The following C13orf46 variants were observed in gnomAD, a reference collection of about 807,000 sequenced individuals.
C13orf46 encodes uncharacterized protein C13orf46.
At chr13:113,951,406 G>A (rs937175145), downstream of C13orf46, among the ~76,000 whole-genome samples, 15 of 152,174 alleles carry the variant, frequency 9.9e-5, no homozygotes, top group African/African-American at 3.4e-4. Context: ...TCCCTTCGTG[G>A]ACTGCGTGTG....
chr13:113,930,373 C>T, the C13orf46 span, among the ~76,000 whole-genome samples: 1 of 98,450 alleles, frequency 1.0e-5, no homozygotes, highest in African/African-American at 4.9e-5. Context: ...CGCAGGAGCA[C>T]CGAGGCGGGG....
chr13:113,935,698 G>A, the C13orf46 span, among the ~76,000 whole-genome samples: 1 of 152,302 alleles, frequency 6.6e-6, no homozygotes, highest in South Asian at 2.1e-4. Flanking sequence ...AACTGCATAC[G>A]TGCCCTTAGG....
At chr13:113,945,624 G>A in the C13orf46 span, among the ~76,000 whole-genome samples, 1 of 126,244 alleles carries the variant, frequency 7.9e-6, no homozygotes, top group Non-Finnish European at 1.7e-5. Flanking sequence ...AAGAAAGAAA[G>A]AAAGAAAGAA....
the C13orf46 span, among the ~76,000 whole-genome samples, chr13:113,937,337 G>A: frequency 4.8e-4 from 73 of 152,326 alleles, no homozygotes; most frequent in African/African-American, 1.6e-3. Flanking sequence ...TCGTGGCCAC[G>A]TATGGCTCCT....
intron 1 of C13orf46, among the ~76,000 whole-genome samples, chr13:113,971,391 C>T (rs373201397): frequency 1.3e-5 from 2 of 152,204 alleles, no homozygotes; most frequent in East Asian, 1.9e-4. Context: ...GACCAATGGC[C>T]GACCACGAGG....
At chr13:113,965,872 GTGATGATGGTGGTAA>G (rs2052636552) in intron 5 of C13orf46, among the ~76,000 whole-genome samples, 2 of 146,910 alleles carry the variant, frequency 1.4e-5, no homozygotes, top group South Asian at 2.4e-4. Context: ...GATGGTGATG[GTGATGATGGTGGTAA>G]TGGTGATGGT....
downstream of C13orf46, among the ~76,000 whole-genome samples, chr13:113,952,042 C>T (rs1217809095): frequency 1.3e-5 from 2 of 152,346 alleles, no homozygotes; most frequent in Admixed American, 6.5e-5. Flanking sequence ...AAAGAACACA[C>T]GATTGTTCCG....
intron 5 of C13orf46, among the ~76,000 whole-genome samples, chr13:113,965,711 T>C (rs2138987334): frequency 6.6e-6 from 1 of 151,532 alleles, no homozygotes; most frequent in East Asian, 1.9e-4. Flanking sequence ...GTGATGGTGA[T>C]TATAATGGTG....
At chr13:113,934,817 G>A in the C13orf46 span, among the ~76,000 whole-genome samples, 2 of 152,224 alleles carry the variant, frequency 1.3e-5, no homozygotes, top group African/African-American at 2.4e-5. Flanking sequence ...CACCTCTAAC[G>A]GGCCCCACTT....
At chr13:113,961,685 C>A (rs2052587972) in intron 6 of C13orf46, among the ~76,000 whole-genome samples, 2 of 152,126 alleles carry the variant, frequency 1.3e-5, no homozygotes, top group Non-Finnish European at 2.9e-5. Flanking sequence ...ACATAATATA[C>A]AAAAGTGGTT....
chr13:113,946,122 C>T, the C13orf46 span, among the ~76,000 whole-genome samples: 17 of 152,278 alleles, frequency 1.1e-4, no homozygotes, highest in African/African-American at 3.9e-4. Context: ...TGCTATTGTA[C>T]GAGGTATCAG....
rs1051525451 is a variant in C13orf46 at position 113,960,234 on chromosome 13, C to T, written c.573-3395G>A. ...TCGTGCCACTGCACTACAGCCTGGG[C>T]GACAGAGCGAGACTCTGTCTCAAAA... On this transcript the variant is annotated intron_variant, in intron 6 of 6. Coordinates refer to ENST00000636427, the MANE Select transcript of C13orf46 (RefSeq NM_001365455.2). Among the ~76,000 whole-genome samples, 279 of 148,796 alleles carry T rather than the reference C, an allele frequency of 1.9e-3. 2 individuals carry two copies. Among genetic ancestry groups the T allele is most frequent in the African/African-American group, 6.0e-3 (244 of 40,492 alleles).
chr13:113,953,181 G>C (rs915112915), downstream of C13orf46, among the ~76,000 whole-genome samples: 1 of 152,216 alleles, frequency 6.6e-6, no homozygotes, highest in Non-Finnish European at 1.5e-5. Context: ...TGAGTGCCCT[G>C]AACAGCTCGC....
chr13:113,948,889 G>A (rs897720448), downstream of C13orf46, among the ~76,000 whole-genome samples: 37 of 152,286 alleles, frequency 2.4e-4, no homozygotes, highest in East Asian at 6.9e-3. Flanking sequence ...TTCCTGATAG[G>A]GGTGTCTGAT....
At chr13:113,938,123 A>G in the C13orf46 span, among the ~76,000 whole-genome samples, 1 of 152,200 alleles carries the variant, frequency 6.6e-6, no homozygotes, top group Non-Finnish European at 1.5e-5. Flanking sequence ...CAAGATGAAC[A>G]TGCAGCTCAA....
chr13:113,929,777 G>A, the C13orf46 span, among the ~76,000 whole-genome samples: 2 of 152,242 alleles, frequency 1.3e-5, no homozygotes, highest in African/African-American at 4.8e-5. Context: ...TTTCTCCTGA[G>A]GCCCCTGGAG....
At chr13:113,951,980 G>A (rs1405924621), downstream of C13orf46, among the ~76,000 whole-genome samples, 1 of 152,238 alleles carries the variant, frequency 6.6e-6, no homozygotes, top group African/African-American at 2.4e-5. Context: ...CACAGGGATT[G>A]AATACATGGT....
chr13:113,961,191 C>G (rs1445749299), intron 6 of C13orf46, among the ~76,000 whole-genome samples: 2 of 152,162 alleles, frequency 1.3e-5, no homozygotes, highest in Non-Finnish European at 2.9e-5. Context: ...TTTGGTAAAA[C>G]TCTATGGGTA....
At chr13:113,935,381 A>G in the C13orf46 span, among the ~76,000 whole-genome samples, 1 of 152,362 alleles carries the variant, frequency 6.6e-6, no homozygotes, top group South Asian at 2.1e-4. Flanking sequence ...GCTATTAACC[A>G]AGAAATGCTT....
Sources: gnomAD v4.1 joint callset for allele counts (sites outside exome capture counted in the v4.1 genomes callset) on GRCh38, gnomAD v4.1.1 for gene constraint, MANE v1.5 for transcripts, NCBI Gene and HGNC (gene_info 2026-07-23, HGNC 2026-07-21) for gene names.